The following CCNB3 variants were observed in gnomAD, a reference collection of about 807,000 sequenced individuals.
CCNB3 encodes the protein G2/mitotic-specific cyclin-B3.
Under a neutral mutation model 68.0 loss-of-function variants are expected in CCNB3, and 12 were observed. The observed-to-expected ratio is 0.18, with a 90% confidence interval of 0.11 to 0.29. The LOEUF is 0.29. CCNB3 is among the 10% of genes least tolerant of loss of function. CCNB3 has a pLI of 1.00. For missense variants in CCNB3, 904 were observed against 993.1 expected (o/e 0.91, Z 1.21); for synonymous variants, 354 against 388.9 (o/e 0.91, Z 1.06).
Position 50,311,508 on chromosome X carries a change from C to CCTTTCTT in CCNB3, c.3327+16_3327+22dup, listed in dbSNP as rs1557215025. The CCTTTCTT allele has an allele frequency of 9.0e-7, 1 of 1,116,421 alleles. No individual in the cohort carries two copies. The highest frequency in any genetic ancestry group is 2.4e-5 in the Admixed American group (1 of 41,342). The allele number at this position is 1,116,421 out of a possible 1,213,427, so 92.0% of individuals were successfully genotyped here. The stretch of plus-strand genomic sequence containing the variant: ...GAACACCAAAGGAGGTATTCATCTC[C>CCTTTCTT]CTTTCTTCTTAAATTAGATAAATTG... On this transcript the variant is annotated intron_variant, in intron 6 of 12. Coordinates refer to ENST00000376042, the MANE Select transcript of CCNB3 (RefSeq NM_033031.3).
At chrX:50,348,013 A>C (rs966524121) in intron 11 of CCNB3, among the ~76,000 whole-genome samples, 1 of 111,551 alleles carries the variant, frequency 9.0e-6, no homozygotes, top group African/African-American at 3.3e-5. Flanking sequence ...CTCACCTGAA[A>C]GCCCAATATT....
At chrX:50,284,295 C>A (rs890333750) in intron 1 of CCNB3, among the ~76,000 whole-genome samples, 2 of 111,196 alleles carry the variant, frequency 1.8e-5, no homozygotes, top group African/African-American at 6.5e-5. Context: ...GGTGAAAAAT[C>A]TTTTTCCCTA....
At chrX:50,315,259 A>T (rs992240317) in intron 8 of CCNB3, among the ~76,000 whole-genome samples, 1 of 111,526 alleles carries the variant, frequency 9.0e-6, no homozygotes, top group Non-Finnish European at 1.9e-5. Flanking sequence ...CACAAGTTAT[A>T]TCAATGTATA....
chrX:50,351,340 C>T lies in CCNB3; in HGVS notation c.4060C>T (p.Leu1354Phe). ...GCTGACTTTCAGTTCTTACGATAGTCTCAAGGCTGTGTATTACAAGTATTC... is the reference window on the plus strand; with the variant it reads ...GCTGACTTTCAGTTCTTACGATAGTTTCAAGGCTGTGTATTACAAGTATTC... Reference protein sequence around the residue: ...KLLTFSSYDSLKAVYYKYSHP... With the variant: ...KLLTFSSYDSFKAVYYKYSHP... The change falls in exon 12 of 13, where the codon CTC becomes TTC. Residue 1354 changes from leucine (L) to phenylalanine (F), a missense_variant. Coordinates refer to ENST00000376042, the MANE Select transcript of CCNB3 (RefSeq NM_033031.3). 1 of 1,211,254 alleles carries T rather than the reference C, an allele frequency of 8.3e-7. No homozygotes were observed. The highest frequency in any genetic ancestry group is 1.1e-6 in the Non-Finnish European group (1 of 895,111).
chrX:50,305,411 A>T (rs1274103774), intron 5 of CCNB3, among the ~76,000 whole-genome samples: 1 of 111,460 alleles, frequency 9.0e-6, no homozygotes, highest in African/African-American at 3.3e-5. Flanking sequence ...AAGGACAAGA[A>T]ACCAAACACC....
chrX:50,305,185 G>T, intron 5 of CCNB3, among the ~76,000 whole-genome samples: 1 of 111,944 alleles, frequency 8.9e-6, no homozygotes, highest in Non-Finnish European at 1.9e-5. Flanking sequence ...AAATCATGCT[G>T]CTATAAAGAC....
intron 1 of CCNB3, among the ~76,000 whole-genome samples, chrX:50,219,219 T>G (rs1288574583): frequency 1.8e-5 from 2 of 111,775 alleles, no homozygotes; most frequent in Non-Finnish European, 3.8e-5. Flanking sequence ...ATTCTGTAGG[T>G]TGCCTTTTCA....
intron 4 of CCNB3, among the ~76,000 whole-genome samples, chrX:50,289,456 A>G (rs1018152497): frequency 6.3e-5 from 7 of 111,748 alleles, no homozygotes; most frequent in African/African-American, 2.3e-4. Context: ...GAATTCTCTC[A>G]AGTAACCTCC....
chrX:50,212,059 A>T (rs1314715311), intron 1 of CCNB3, among the ~76,000 whole-genome samples: 11 of 111,780 alleles, frequency 9.8e-5, no homozygotes, highest in African/African-American at 3.2e-4. Context: ...ACTCAATCAT[A>T]TGTGTCTTCT....
At chrX:50,342,101 C>A in intron 8 of CCNB3, 101 bp from the exon 9 acceptor site, 1 of 978,273 alleles carries the variant, frequency 1.0e-6, no homozygotes, top group Non-Finnish European at 1.5e-6. Context: ...CTAGTCAGGA[C>A]TGTTCTTGAT....
chrX:50,317,567 G>GTATGTATGTATGTATGTATGTATTTATT (rs1409621892), intron 8 of CCNB3, among the ~76,000 whole-genome samples: 11 of 108,338 alleles, frequency 1.0e-4, no homozygotes, highest in African/African-American at 3.8e-4. Flanking sequence ...ATGTATGTAT[G>GTATGTATGTATGTATGTATGTATTTATT]TATTTATTTA....
rs1215931652 is a variant in CCNB3 at position 50,227,460 on chromosome X, A to T, written c.-113+22510A>T. Among the ~76,000 whole-genome samples, 5 of 88,539 alleles carry T rather than the reference A, an allele frequency of 5.6e-5. No individual in the cohort carries two copies. The Admixed American group carries it at 7.9e-4, about 14-fold the overall frequency. The allele number at this position is 88,539 out of a possible 115,157, so 76.9% of individuals were successfully genotyped here. A position where few individuals can be genotyped will look rare whatever the true frequency, so the allele number is the denominator to read the frequency against. ...AGAATATATACAAATATATATAGAGAATATATATCTAAATATATATAGACA... is the reference window on the plus strand; with the variant it reads ...AGAATATATACAAATATATATAGAGTATATATATCTAAATATATATAGACA... On this transcript the variant is annotated intron_variant, in intron 1 of 12. Coordinates refer to ENST00000376042, the MANE Select transcript of CCNB3 (RefSeq NM_033031.3).
intron 1 of CCNB3, among the ~76,000 whole-genome samples, chrX:50,227,800 G>T (rs1303258024): frequency 3.9e-5 from 3 of 77,221 alleles, no homozygotes; most frequent in African/African-American, 1.0e-4. Context: ...TATATATAGA[G>T]AATAAATATA....
chrX:50,329,924 G>T (rs1488088325), intron 8 of CCNB3, among the ~76,000 whole-genome samples: 1 of 112,089 alleles, frequency 8.9e-6, no homozygotes, highest in Non-Finnish European at 1.9e-5. Flanking sequence ...TTTCTGCTTA[G>T]AAATTTATTC....
chrX:50,312,509 A>G (rs1026190523), intron 6 of CCNB3, 28 bp from the exon 7 acceptor site: 1 of 1,085,892 alleles, frequency 9.2e-7, no homozygotes. Flanking sequence ...AATTCTCATA[A>G]TATGTCTTTT....
intron 5 of CCNB3, among the ~76,000 whole-genome samples, chrX:50,299,084 C>A (rs1227066921): frequency 9.0e-6 from 1 of 111,545 alleles, no homozygotes; most frequent in African/African-American, 3.3e-5. Context: ...AAAAAACCAG[C>A]TCCTGGATTC....
chrX:50,279,680 T>C (rs998912661), intron 1 of CCNB3, among the ~76,000 whole-genome samples: 2 of 89,093 alleles, frequency 2.2e-5, no homozygotes, highest in African/African-American at 8.0e-5. Flanking sequence ...ATATGTACAT[T>C]CATCTATGCA....
chrX:50,279,725 A>T (rs919398596), intron 1 of CCNB3, among the ~76,000 whole-genome samples: 2 of 90,612 alleles, frequency 2.2e-5, no homozygotes, highest in Non-Finnish European at 4.2e-5. Context: ...CATATATGTA[A>T]ATATATATGA....
chrX:50,298,782 A>G (rs1369107282), intron 5 of CCNB3, among the ~76,000 whole-genome samples: 2 of 111,070 alleles, frequency 1.8e-5, no homozygotes, highest in Admixed American at 1.9e-4. Flanking sequence ...TTGGTTGGTA[A>G]GCTATTAATT....
Sources: allele counts gnomAD v4.1 joint callset (sites outside exome capture counted in the v4.1 genomes callset), GRCh38; gene constraint gnomAD v4.1.1; transcripts MANE v1.5; gene names NCBI Gene and HGNC (gene_info 2026-07-23, HGNC 2026-07-21).